ZC4H2: variants seen among roughly 807,000 people sequenced by gnomAD.
ZC4H2 encodes zinc finger C4H2-type containing, also known as zinc finger C4H2 domain-containing protein.
For synonymous variants in ZC4H2, 84 were observed against 66.3 expected, an observed-to-expected ratio of 1.27 and a Z score of -1.30; for missense variants, 137 against 173.9, an observed-to-expected ratio of 0.79 and a Z score of 1.19.
At chrX:64,946,613 ACG>A (rs1930547935) in intron 1 of ZC4H2, among the ~76,000 whole-genome samples, 1 of 100,964 alleles carries the variant, frequency 9.9e-6, no homozygotes, top group Non-Finnish European at 2.1e-5. Flanking sequence ...ACACACACAC[ACG>A]TCTATTTAAA....
chrX:64,976,287 T>C (rs752525048), intron 1 of ZC4H2, 38 bp downstream of exon 1: 55 of 1,188,596 alleles, frequency 4.6e-5, no homozygotes, highest in Non-Finnish European at 6.2e-5. Context: ...CAACGAAGGG[T>C]TGGAGAGGGG....
At position 64,952,724 on chromosome X, in the gene ZC4H2, G is replaced by A. The variant is rs374431339; in HGVS notation, c.53+23601C>T. On this transcript the variant is annotated intron_variant, in intron 1 of 4. Coordinates refer to ENST00000374839, the MANE Select transcript of ZC4H2 (RefSeq NM_018684.4). Reference sequence around the variant, plus strand: ...CACATGGATAGCAAGAATCAATATCGTGAAAATGGCCATACTGCCCAAGGT... The same window carrying A: ...CACATGGATAGCAAGAATCAATATCATGAAAATGGCCATACTGCCCAAGGT... Among the ~76,000 whole-genome samples, 5 of 109,707 alleles carry A rather than the reference G, an allele frequency of 4.6e-5. No individual in the cohort carries two copies. The East Asian group carries it at 8.8e-4, about 19-fold the overall frequency.
chrX:64,999,172 C>T (rs1290979411), intron 1 of ZC4H2, among the ~76,000 whole-genome samples: 7 of 108,548 alleles, frequency 6.4e-5, no homozygotes, highest in Admixed American at 3.0e-4. Flanking sequence ...GGAACATCTC[C>T]GGTCTGCAGA....
At chrX:64,925,481 C>A (rs1929387001) in intron 1 of ZC4H2, among the ~76,000 whole-genome samples, 1 of 111,910 alleles carries the variant, frequency 8.9e-6, no homozygotes, top group South Asian at 3.7e-4. Flanking sequence ...ATGAAGCTGA[C>A]CCAAGCCTTC....
chrX:64,921,799 C>A lies in ZC4H2; in HGVS notation c.225+18G>T, dbSNP rs1929206739. The A allele has an allele frequency of 1.7e-6, 2 of 1,204,612 alleles. No homozygotes were observed. Among genetic ancestry groups the A allele is most frequent in the Admixed American group, 2.2e-5 (1 of 45,162 alleles). On this transcript the variant is annotated intron_variant, in intron 2 of 4. Transcript: ENST00000374839. ...CTTTCTCAAAGGCTTTAGAGATAGG[C>A]TCCAGGCAGCCACGTACCACATTGA...
At chrX:64,929,630 C>T (rs1463090612) in intron 1 of ZC4H2, among the ~76,000 whole-genome samples, 1 of 111,437 alleles carries the variant, frequency 9.0e-6, no homozygotes, top group Non-Finnish European at 1.9e-5. Flanking sequence ...GGTGTCCTTT[C>T]CCCACTTTAT....
chrX:65,030,163 G>C (rs1932920297), intron 1 of ZC4H2, among the ~76,000 whole-genome samples: 1 of 111,321 alleles, frequency 9.0e-6, no homozygotes, highest in Non-Finnish European at 1.9e-5. Context: ...TCTTGCCCAG[G>C]ATGGAGTGCA....
At chrX:65,010,787 T>C (rs1368544689) in intron 1 of ZC4H2, among the ~76,000 whole-genome samples, 2 of 112,294 alleles carry the variant, frequency 1.8e-5, no homozygotes, top group African/African-American at 3.2e-5. Context: ...TTTAAATATA[T>C]TCAGTAAAAC....
At chrX:64,998,363 G>T (rs912051322) in intron 1 of ZC4H2, among the ~76,000 whole-genome samples, 4 of 111,598 alleles carry the variant, frequency 3.6e-5, no homozygotes, top group Non-Finnish European at 7.5e-5. Flanking sequence ...AGCTGGTGTG[G>T]CTATACTAAT....
Position 64,921,802 on chromosome X carries a change from C to A in ZC4H2, c.225+15G>T, listed in dbSNP as rs754775684. The A allele has an allele frequency of 2.3e-5, 28 of 1,205,402 alleles. No homozygotes were observed. Among genetic ancestry groups the A allele is most frequent in the Admixed American group, 4.4e-5 (2 of 45,190 alleles). The stretch of plus-strand genomic sequence containing the variant: ...TCTCAAAGGCTTTAGAGATAGGCTC[C>A]AGGCAGCCACGTACCACATTGATGT... On this transcript the variant is annotated intron_variant, in intron 2 of 4. Coordinates refer to ENST00000374839, the MANE Select transcript of ZC4H2 (RefSeq NM_018684.4).
chrX:65,007,110 G>A lies in ZC4H2; in HGVS notation c.-272+27519C>T, dbSNP rs780277565. Among the ~76,000 whole-genome samples the A allele has an allele frequency of 1.4e-3, 158 of 109,645 alleles. 1 individual carries two copies. The highest frequency in any genetic ancestry group is 5.2e-3 in the African/African-American group (155 of 30,020). ...TCGAAGAATGTCTGGCACATAGTAG[G>A]CACTAATAAATACTTGTTGTTCAAA... is the stretch of plus-strand genomic sequence containing the variant. On this transcript the variant is annotated intron_variant, in intron 1 of 4. Coordinates refer to the ZC4H2 transcript ENST00000337990.
Position 64,999,958 on chromosome X carries a change from A to G in ZC4H2, c.-272+34671T>C, listed in dbSNP as rs1167135322. 2.7e-5 allele frequency among the ~76,000 whole-genome samples: 3 copies of G among 111,937 alleles called. No individual in the cohort carries two copies. The East Asian group carries it at 8.5e-4, about 32-fold the overall frequency. On this transcript the variant is annotated intron_variant, in intron 1 of 4. Coordinates refer to the ZC4H2 transcript ENST00000337990. ...AGCCCCAGTCAGGGGCTTATAGATA[A>G]AACCCCCATCTCCCTGGGACAGAGC...
At chrX:64,989,275 T>A (rs910315696) in intron 1 of ZC4H2, among the ~76,000 whole-genome samples, 2 of 112,164 alleles carry the variant, frequency 1.8e-5, no homozygotes, top group African/African-American at 6.5e-5. Context: ...GGTAGCTTGA[T>A]GGGGATGGCA....
At chrX:64,970,302 A>G (rs1202949824) in intron 1 of ZC4H2, among the ~76,000 whole-genome samples, 1 of 111,890 alleles carries the variant, frequency 8.9e-6, no homozygotes, top group Non-Finnish European at 1.9e-5. Context: ...ACACCTTTTC[A>G]GTCTCTCCTG....
At chrX:64,919,964 T>G (rs1929112576) in intron 3 of ZC4H2, 117 bp downstream of exon 3, 1 of 814,884 alleles carries the variant, frequency 1.2e-6, no homozygotes, top group African/African-American at 2.1e-5. Context: ...AACTAGGCAC[T>G]CTGACTTTCA....
chrX:64,918,002 A>C, intron 4 of ZC4H2, 106 bp from the exon 5 acceptor site: 1 of 941,764 alleles, frequency 1.1e-6, no homozygotes, highest in South Asian at 2.5e-5. Flanking sequence ...ATTTCCCATC[A>C]GAAGAGAGCA....
chrX:65,028,228 G>A (rs1313595904), intron 1 of ZC4H2, among the ~76,000 whole-genome samples: 1 of 111,133 alleles, frequency 9.0e-6, no homozygotes, highest in African/African-American at 3.3e-5. Context: ...CTTTTAAGAA[G>A]AGGATATACA....
chrX:64,926,968 G>T (rs1366813310), intron 1 of ZC4H2, among the ~76,000 whole-genome samples: 1 of 111,345 alleles, frequency 9.0e-6, no homozygotes, highest in Non-Finnish European at 1.9e-5. Context: ...TTTTCTCACT[G>T]TTGAGTTTTA....
chrX:64,922,774 A>G (rs7879555), intron 1 of ZC4H2, among the ~76,000 whole-genome samples: 26,692 of 111,706 alleles, frequency 0.24, 7,618 homozygotes, highest in African/African-American at 0.82. Flanking sequence ...CTATGCACAT[A>G]TGGCTACTGA....
Sources: allele counts gnomAD v4.1 joint callset (sites outside exome capture counted in the v4.1 genomes callset), GRCh38; gene constraint gnomAD v4.1.1; transcripts MANE v1.5; gene names NCBI Gene and HGNC (gene_info 2026-07-23, HGNC 2026-07-21).